The following CHST11 variants were observed in gnomAD, a reference collection of about 807,000 sequenced individuals.
CHST11 encodes the protein C4S-1.
Under a neutral mutation model 30.4 loss-of-function variants are expected in CHST11, and 9 were observed. The observed-to-expected ratio is 0.30, with a 90% CI of 0.18 to 0.52. CHST11 has a LOEUF of 0.52. CHST11 is among the 20% of genes least tolerant of loss of function. CHST11 has a pLI of 0.97. For synonymous variants in CHST11, 152 were observed against 187.8 expected (o/e 0.81, Z 1.56); for missense variants, 348 against 460.6 (o/e 0.76, Z 2.24).
intron 1 of CHST11, among the ~76,000 whole-genome samples, chr12:104,556,787 C>T (rs1209960588): frequency 6.6e-6 from 1 of 152,144 alleles, no homozygotes; most frequent in African/African-American, 2.4e-5. Context: ...TCGAGACCAG[C>T]CTGGCCAACA....
At chr12:104,703,947 T>C (rs1369056540) in intron 2 of CHST11, among the ~76,000 whole-genome samples, 1 of 152,246 alleles carries the variant, frequency 6.6e-6, no homozygotes, top group Non-Finnish European at 1.5e-5. Context: ...CCTAGTTCAA[T>C]AGCTGGTAGT....
chr12:104,564,152 G>C (rs561257223), intron 1 of CHST11, among the ~76,000 whole-genome samples: 47 of 152,306 alleles, frequency 3.1e-4, no homozygotes, highest in African/African-American at 1.1e-3. Context: ...AGAGTGGGCT[G>C]AGACCTGAGC....
At chr12:104,556,594 T>A (rs749380364) in intron 1 of CHST11, among the ~76,000 whole-genome samples, 2 of 152,192 alleles carry the variant, frequency 1.3e-5, no homozygotes, top group African/African-American at 2.4e-5. Flanking sequence ...GACACGTCTC[T>A]CCAGGCTCTG....
intron 2 of CHST11, among the ~76,000 whole-genome samples, chr12:104,614,251 C>A (rs1290497902): frequency 2.0e-5 from 3 of 152,112 alleles, no homozygotes; most frequent in Non-Finnish European, 4.4e-5. Context: ...ACTGACTGAC[C>A]ATTATAAAAT....
chr12:104,528,967 TG>T (rs1367691582), intron 1 of CHST11, among the ~76,000 whole-genome samples: 2 of 152,196 alleles, frequency 1.3e-5, no homozygotes, highest in South Asian at 2.1e-4. Flanking sequence ...AACACACCGC[TG>T]GGCAAGTAGG....
At position 104,622,755 on chromosome 12, in the gene CHST11, C is replaced by T. The variant is rs146547455; in HGVS notation, c.204+20764C>T. ...CCCAATGTAAGGATAATGTACCTAC[C>T]TCACAGGTTTGTTGTGAAGACTAAA... On this transcript the variant is annotated intron_variant, in intron 2 of 2. Transcript: ENST00000303694. Among the ~76,000 whole-genome samples the T allele has an allele frequency of 4.0e-3, 603 of 152,316 alleles. 6 individuals are homozygous for T. Among genetic ancestry groups the T allele is most frequent in the African/African-American group, 0.014 (570 of 41,568 alleles).
intron 2 of CHST11, among the ~76,000 whole-genome samples, chr12:104,681,825 C>CTTTTTTT (rs149441295): frequency 2.6e-4 from 22 of 85,082 alleles, no homozygotes; most frequent in South Asian, 9.3e-4. Flanking sequence ...GTCTGTTTTG[C>CTTTTTTT]TTTTTTTTTT....
In CHST11 at chr12:104,565,732, G is replaced by A. The variant is rs548034817; in HGVS notation, c.119-36174G>A. On this transcript the variant is annotated intron_variant, in intron 1 of 2. Transcript: ENST00000303694. Reference sequence around the variant, plus strand: ...ATGAGGAGACCCAGGGGATTTGTGCGGCTCCGGCATCGCCAGCATAGTTGT... The same window carrying A: ...ATGAGGAGACCCAGGGGATTTGTGCAGCTCCGGCATCGCCAGCATAGTTGT... Among the ~76,000 whole-genome samples the A allele has an allele frequency of 5.1e-4, 77 of 152,254 alleles. 1 individual carries two copies. Among genetic ancestry groups the A allele is most frequent in the Non-Finnish European group, 5.9e-4 (40 of 68,010 alleles).
intron 1 of CHST11, among the ~76,000 whole-genome samples, chr12:104,593,764 G>A (rs10861244): frequency 6.6e-6 from 1 of 151,940 alleles, no homozygotes. Flanking sequence ...GGTGTGATAC[G>A]ACCTACCTCC....
chr12:104,588,944 G>C (rs1403889428), intron 1 of CHST11: 1 of 152,192 alleles, frequency 6.6e-6, no homozygotes, highest in Non-Finnish European at 1.5e-5. Flanking sequence ...ATGAATAGTG[G>C]TATGTATGAT....
chr12:104,489,008 T>G (rs775508409), intron 1 of CHST11, among the ~76,000 whole-genome samples: 1 of 152,102 alleles, frequency 6.6e-6, no homozygotes. Context: ...CTGATGTCTC[T>G]TTCTGTGTCC....
At chr12:104,722,714 A>G (rs1244676352) in intron 2 of CHST11, among the ~76,000 whole-genome samples, 3 of 151,198 alleles carry the variant, frequency 2.0e-5, no homozygotes, top group Non-Finnish European at 4.4e-5. Flanking sequence ...TCCAAAGAAA[A>G]CAAGGCCCCA....
At chr12:104,684,801 G>A (rs932109399) in intron 2 of CHST11, among the ~76,000 whole-genome samples, 5 of 151,988 alleles carry the variant, frequency 3.3e-5, no homozygotes, top group Non-Finnish European at 5.9e-5. Flanking sequence ...TGCCCGCCTC[G>A]GCCTCCCAAA....
chr12:104,601,261 T>A (rs17035941), intron 1 of CHST11, among the ~76,000 whole-genome samples: 2,190 of 152,324 alleles, frequency 0.014, 61 homozygotes, highest in East Asian at 0.088. Context: ...TCTTGGTGGC[T>A]TCAATGTTGG....
intron 1 of CHST11, among the ~76,000 whole-genome samples, chr12:104,491,889 C>A (rs2037750570): frequency 6.6e-6 from 1 of 152,184 alleles, no homozygotes; most frequent in Non-Finnish European, 1.5e-5. Context: ...AACATTGTGA[C>A]CTGCCCCCTA....
At chr12:104,528,177 C>G (rs754009128) in intron 1 of CHST11, among the ~76,000 whole-genome samples, 1 of 152,202 alleles carries the variant, frequency 6.6e-6, no homozygotes, top group Non-Finnish European at 1.5e-5. Flanking sequence ...GTAATTTTAG[C>G]TAGTATTTAC....
intron 2 of CHST11, among the ~76,000 whole-genome samples, chr12:104,658,176 T>A (rs112467807): frequency 3.9e-5 from 6 of 152,318 alleles, no homozygotes; most frequent in African/African-American, 1.4e-4. Context: ...GCGTCTGCAA[T>A]CATTGCCATG....
intron 1 of CHST11, among the ~76,000 whole-genome samples, chr12:104,525,767 T>G (rs1172607059): frequency 6.6e-6 from 1 of 152,216 alleles, no homozygotes; most frequent in African/African-American, 2.4e-5. Flanking sequence ...GGAGGGTTTC[T>G]GTGGAAATAA....
intron 1 of CHST11, among the ~76,000 whole-genome samples, chr12:104,464,197 A>G (rs1319468248): frequency 6.6e-6 from 1 of 151,228 alleles, no homozygotes; most frequent in Non-Finnish European, 1.5e-5. Context: ...CCTCCTGAGT[A>G]GCTGGGATTA....
Sources: allele counts gnomAD v4.1 joint callset (sites outside exome capture counted in the v4.1 genomes callset), GRCh38; gene constraint gnomAD v4.1.1; transcripts MANE v1.5; gene names NCBI Gene and HGNC (gene_info 2026-07-23, HGNC 2026-07-21).